SORCS1: variants seen among roughly 807,000 people sequenced by gnomAD.
SORCS1 encodes the protein VPS10 domain-containing receptor SorCS1.
SORCS1 carries 60 observed loss-of-function variants against 146.1 expected under a neutral mutation model. The observed-to-expected ratio is 0.41, with a 90% CI of 0.33 to 0.51. SORCS1 has a LOEUF of 0.51. Ranked by LOEUF, SORCS1 falls within the 20% of genes least tolerant of loss-of-function variation. SORCS1 has a pLI of 0.21. For missense variants in SORCS1, 1,352 were observed against 1,487.6 expected (o/e 0.91, Z 1.50); for synonymous variants, 637 against 584.0 (o/e 1.09, Z -1.31).
At chr10:107,106,232 A>G (rs1281158011) in intron 1 of SORCS1, among the ~76,000 whole-genome samples, 1 of 152,236 alleles carries the variant, frequency 6.6e-6, no homozygotes, top group African/African-American at 2.4e-5. Context: ...AGACTTGACC[A>G]TCATTCCAAA....
At chr10:106,912,735 T>C (rs968690698) in intron 2 of SORCS1, among the ~76,000 whole-genome samples, 13 of 152,108 alleles carry the variant, frequency 8.5e-5, no homozygotes, top group South Asian at 4.1e-4. Flanking sequence ...CTGGAGTGCA[T>C]TGGTGCAATC....
At chr10:107,094,084 C>T (rs1244817006) in intron 1 of SORCS1, among the ~76,000 whole-genome samples, 1 of 152,108 alleles carries the variant, frequency 6.6e-6, no homozygotes, top group Non-Finnish European at 1.5e-5. Context: ...TTTATTTTCT[C>T]CATAACAGTG....
At position 106,573,985 on chromosome 10, in the gene SORCS1, T is replaced by C. The variant is rs1375425666; in HGVS notation, c.*3435A>G. ...ATTATACATTACACTACATAGTATT[T>C]AACAAAAAATACATCAAAAAAGTCA... On this transcript the variant is annotated 3_prime_UTR_variant, in exon 26 of 26. Transcript: ENST00000263054. 6.6e-6 allele frequency: 1 copy of C among 152,050 alleles called. No individual in the cohort carries two copies. The highest frequency in any genetic ancestry group is 6.6e-5 in the Admixed American group (1 of 15,226). 9.4% of individuals were successfully genotyped at this position (152,050 alleles called of 1,614,324 possible).
At chr10:106,710,803 C>T (rs1203192691) in intron 6 of SORCS1, among the ~76,000 whole-genome samples, 1 of 152,190 alleles carries the variant, frequency 6.6e-6, no homozygotes, top group Non-Finnish European at 1.5e-5. Flanking sequence ...TGTGATTCTT[C>T]TAATCCACCC....
chr10:107,120,172 A>C (rs893591253), intron 1 of SORCS1, among the ~76,000 whole-genome samples: 11 of 152,194 alleles, frequency 7.2e-5, no homozygotes, highest in African/African-American at 2.2e-4. Flanking sequence ...AATGTCAGAA[A>C]TAATTAGAAG....
At chr10:106,640,520 A>G (rs1042720859) in intron 18 of SORCS1, among the ~76,000 whole-genome samples, 1 of 152,262 alleles carries the variant, frequency 6.6e-6, no homozygotes, top group African/African-American at 2.4e-5. Flanking sequence ...TTATTCTTAC[A>G]GCTGCTTAAA....
intron 1 of SORCS1, among the ~76,000 whole-genome samples, chr10:107,144,859 G>T (rs1968171805): frequency 6.6e-6 from 1 of 152,206 alleles, no homozygotes; most frequent in South Asian, 2.1e-4. Context: ...TCACTTGCCT[G>T]CATTTTTTAC....
At chr10:106,839,838 TCTC>T (rs1188212858) in intron 2 of SORCS1, among the ~76,000 whole-genome samples, 5 of 152,194 alleles carry the variant, frequency 3.3e-5, no homozygotes, top group Admixed American at 3.3e-4. Flanking sequence ...CTAAATCTAT[TCTC>T]CTTGTGCTCT....
rs1957878472 is a variant in SORCS1, at chr10:107,015,947, A to G, written c.559-59367T>C. Among the ~76,000 whole-genome samples the G allele has an allele frequency of 2.6e-5, 4 of 151,480 alleles. No individual in the cohort carries two copies. In the South Asian group the frequency reaches 8.4e-4, roughly 32 times the overall value. ...TATCACTATACATTTCACCTGTGTAATCAAAAACCACTTATACCACAAACC... is the reference window on the plus strand; with the variant it reads ...TATCACTATACATTTCACCTGTGTAGTCAAAAACCACTTATACCACAAACC... On this transcript the variant is annotated intron_variant, in intron 1 of 25. Transcript: ENST00000263054.
At chr10:106,613,668 C>T (rs978457454) in intron 21 of SORCS1, among the ~76,000 whole-genome samples, 3 of 152,176 alleles carry the variant, frequency 2.0e-5, no homozygotes, top group African/African-American at 7.2e-5. Flanking sequence ...GTGTTTGGCA[C>T]ATAATAGACT....
chr10:106,952,399 C>T (rs1427580130), intron 2 of SORCS1, among the ~76,000 whole-genome samples: 4 of 152,048 alleles, frequency 2.6e-5, no homozygotes, highest in African/African-American at 9.7e-5. Context: ...AAGGCTTTCT[C>T]TTCCTGAGCC....
At chr10:106,939,131 A>G (rs1280615577) in intron 2 of SORCS1, among the ~76,000 whole-genome samples, 1 of 152,246 alleles carries the variant, frequency 6.6e-6, no homozygotes, top group Non-Finnish European at 1.5e-5. Context: ...CTGACAGATA[A>G]TGGCAAAATT....
chr10:106,955,071 C>A (rs1332817022), intron 2 of SORCS1, among the ~76,000 whole-genome samples: 1 of 152,250 alleles, frequency 6.6e-6, no homozygotes. Flanking sequence ...AGCAGTGGGA[C>A]TGAACGAGCT....
chr10:107,076,740 T>C (rs1409502922), intron 1 of SORCS1, among the ~76,000 whole-genome samples: 1 of 152,118 alleles, frequency 6.6e-6, no homozygotes, highest in East Asian at 1.9e-4. Flanking sequence ...GTGAACATCA[T>C]GGTGAAGTGG....
intron 1 of SORCS1, among the ~76,000 whole-genome samples, chr10:107,005,556 T>C (rs1250483236): frequency 2.0e-5 from 3 of 152,114 alleles, no homozygotes; most frequent in African/African-American, 4.8e-5. Flanking sequence ...AAAGTTGTAT[T>C]CCCTTTTTTC....
At chr10:106,707,375 G>C (rs1343540992) in intron 7 of SORCS1, among the ~76,000 whole-genome samples, 1 of 151,902 alleles carries the variant, frequency 6.6e-6, no homozygotes, top group African/African-American at 2.4e-5. Flanking sequence ...TCTTTTAGTA[G>C]AGATGGTGGG....
intron 2 of SORCS1, among the ~76,000 whole-genome samples, chr10:106,926,003 T>G (rs1030138540): frequency 2.0e-5 from 3 of 152,124 alleles, no homozygotes; most frequent in African/African-American, 7.2e-5. Context: ...TCTAAGACAC[T>G]TTGGAAGAAA....
At chr10:106,813,182 G>A (rs1947563787) in intron 3 of SORCS1, among the ~76,000 whole-genome samples, 1 of 141,236 alleles carries the variant, frequency 7.1e-6, no homozygotes, top group African/African-American at 2.7e-5. Context: ...GCCCTCGCTG[G>A]AGTGCAATAG....
At chr10:106,686,316 G>A (rs189173322) in intron 10 of SORCS1, among the ~76,000 whole-genome samples, 11 of 152,238 alleles carry the variant, frequency 7.2e-5, no homozygotes, top group Admixed American at 2.0e-4. Flanking sequence ...CTGCGTTGGG[G>A]GTGAAGCAGG....
Sources: allele counts gnomAD v4.1 joint callset (sites outside exome capture counted in the v4.1 genomes callset), GRCh38; gene constraint gnomAD v4.1.1; transcripts MANE v1.5; gene names NCBI Gene and HGNC (gene_info 2026-07-23, HGNC 2026-07-21).